Variants in AP1AR observed in about 807,000 individuals in gnomAD.
AP1AR encodes adaptor related protein complex 1 associated regulatory protein, also known as AP-1 complex-associated regulatory protein.
In AP1AR, 29 loss-of-function variants were observed where a neutral mutation model predicts 46.3. The ratio of observed to expected loss-of-function variants is 0.63; its 90% CI spans 0.47 to 0.85. The LOEUF is 0.85. Ranked by LOEUF, AP1AR falls within the 40% of genes least tolerant of loss-of-function variation. AP1AR has a pLI of 0.00. For missense variants in AP1AR, 357 were observed against 356.3 expected (o/e 1.00, Z -0.02); for synonymous variants, 122 against 122.9 (o/e 0.99, Z 0.05).
In AP1AR at chr4:112,268,131, G is replaced by A. The variant is rs775311861; in HGVS notation, c.644-13G>A. 7.2e-6 allele frequency: 11 copies of A among 1,519,488 alleles called. No homozygotes were observed. The South Asian group carries it at 1.3e-4, about 18-fold the overall frequency. The allele number at this position is 1,519,488 out of a possible 1,614,324, so 94.1% of individuals were successfully genotyped here. Reference sequence around the variant, plus strand: ...CTGTTCTGAGATTTTTGAAAACTCTGTTCAAATCATAGGAATGAATAGAAT... The same window carrying A: ...CTGTTCTGAGATTTTTGAAAACTCTATTCAAATCATAGGAATGAATAGAAT... On this transcript the variant is annotated splice_polypyrimidine_tract_variant and intron_variant, in intron 9 of 9. Transcript: ENST00000274000.
At chr4:112,245,701 G>A (rs2110473195) in intron 1 of AP1AR, among the ~76,000 whole-genome samples, 1 of 152,238 alleles carries the variant, frequency 6.6e-6, no homozygotes, top group African/African-American at 2.4e-5. Context: ...TTAAAAATAA[G>A]CTTCGTTCCT....
At chr4:112,256,800 A>C (rs1414666429) in intron 3 of AP1AR, among the ~76,000 whole-genome samples, 4 of 152,230 alleles carry the variant, frequency 2.6e-5, no homozygotes, top group Non-Finnish European at 5.9e-5. Context: ...AGAAAACAAA[A>C]AGTTGATTCT....
At chr4:112,254,666 T>C in intron 2 of AP1AR, 81 bp from the exon 3 acceptor site, 1 of 838,224 alleles carries the variant, frequency 1.2e-6, no homozygotes, top group Middle Eastern at 2.4e-4. Flanking sequence ...TATTTTTAAG[T>C]GAAAAAAGTA....
chr4:112,250,741 T>C (rs1407336415), intron 1 of AP1AR, among the ~76,000 whole-genome samples: 1 of 152,230 alleles, frequency 6.6e-6, no homozygotes, highest in Non-Finnish European at 1.5e-5. Context: ...AGTCAAGATA[T>C]GCATTTTGTG....
intron 3 of AP1AR, among the ~76,000 whole-genome samples, chr4:112,257,403 A>C (rs1207441992): frequency 6.6e-6 from 1 of 152,184 alleles, no homozygotes; most frequent in Admixed American, 6.5e-5. Flanking sequence ...TAGAAACTGC[A>C]AAAAAATGAG....
At chr4:112,234,873 T>C (rs1188536680) in intron 1 of AP1AR, among the ~76,000 whole-genome samples, 1 of 152,206 alleles carries the variant, frequency 6.6e-6, no homozygotes, top group Non-Finnish European at 1.5e-5. Context: ...ATCTAAGGCC[T>C]GGTTTCTGAG....
At chr4:112,257,077 A>G (rs1726230088) in intron 3 of AP1AR, among the ~76,000 whole-genome samples, 2 of 152,230 alleles carry the variant, frequency 1.3e-5, no homozygotes, top group Admixed American at 1.3e-4. Flanking sequence ...CCCATAACAC[A>G]CATCATAGCT....
chr4:112,233,857 ATTTC>A (rs1361982775), intron 1 of AP1AR, among the ~76,000 whole-genome samples: 6 of 151,698 alleles, frequency 4.0e-5, no homozygotes, highest in Admixed American at 1.3e-4. Context: ...CAGGTGGAGT[ATTTC>A]TTTCTTTTTT....
intron 2 of AP1AR, among the ~76,000 whole-genome samples, chr4:112,254,244 T>C (rs1489673426): frequency 6.6e-6 from 1 of 152,204 alleles, no homozygotes; most frequent in Admixed American, 6.5e-5. Flanking sequence ...TAGAAAGACA[T>C]TGTATTTGGG....
chr4:112,240,143 T>C (rs771899220), intron 1 of AP1AR, among the ~76,000 whole-genome samples: 6 of 152,262 alleles, frequency 3.9e-5, no homozygotes, highest in Non-Finnish European at 8.8e-5. Context: ...GAAATCTTAA[T>C]GGAGCTTTCA....
rs1359679067 is a variant in AP1AR at position 112,269,735 on chromosome 4, CTTT to C, written c.*1330_*1332del. On this transcript the variant is annotated 3_prime_UTR_variant, in exon 10 of 10. Coordinates refer to ENST00000274000, the MANE Select transcript of AP1AR (RefSeq NM_018569.6). ...GCAATGACATCTGTAGTTTTATCTC[CTTT>C]TTTATGTCATAGAAATTAATATGAT... 2 of 151,722 alleles carry C rather than the reference CTTT, an allele frequency of 1.3e-5. No individual in the cohort carries two copies. The highest frequency in any genetic ancestry group is 4.1e-4 in the South Asian group (2 of 4,820). 9.4% of individuals were successfully genotyped at this position (151,722 alleles called of 1,614,324 possible). A position where few individuals can be genotyped will look rare whatever the true frequency, so the allele number is the denominator to read the frequency against.
At chr4:112,252,981 A>G (rs1333852569) in intron 1 of AP1AR, among the ~76,000 whole-genome samples, 1 of 152,232 alleles carries the variant, frequency 6.6e-6, no homozygotes, top group African/African-American at 2.4e-5. Flanking sequence ...AGTAAGTGTT[A>G]GTGCCAATAG....
chr4:112,251,873 C>T (rs1725976521), intron 1 of AP1AR, among the ~76,000 whole-genome samples: 1 of 152,196 alleles, frequency 6.6e-6, no homozygotes, highest in Non-Finnish European at 1.5e-5. Context: ...CATCTATCAG[C>T]AGATAAAGAT....
chr4:112,233,919 C>T (rs1725129873), intron 1 of AP1AR, among the ~76,000 whole-genome samples: 1 of 152,164 alleles, frequency 6.6e-6, no homozygotes. Flanking sequence ...TGCAGTGGCG[C>T]GCGATCTCGG....
At chr4:112,259,657 A>G (rs895765220) in intron 4 of AP1AR, among the ~76,000 whole-genome samples, 8 of 152,140 alleles carry the variant, frequency 5.3e-5, no homozygotes, top group Admixed American at 5.2e-4. Flanking sequence ...CTTCCTTCAC[A>G]TGGAAGAGAG....
In AP1AR at chr4:112,272,781, T is replaced by C. The variant is rs1354574586; in HGVS notation, c.*4372T>C. Among the ~76,000 whole-genome samples, 1 of 152,172 alleles carries C rather than the reference T, an allele frequency of 6.6e-6. No individual in the cohort carries two copies. The highest frequency in any genetic ancestry group is 6.5e-5 in the Admixed American group (1 of 15,284). On this transcript the variant is annotated 3_prime_UTR_variant, in exon 10 of 10. Coordinates refer to ENST00000274000, the MANE Select transcript of AP1AR (RefSeq NM_018569.6). ...GATCAAGGACTATGGAGCGTGCCCA[T>C]ACTCACCACTGGTAACACTAGAACT... is the stretch of plus-strand genomic sequence containing the variant.
At chr4:112,263,865 A>C (rs1168181875) in intron 6 of AP1AR, among the ~76,000 whole-genome samples, 2 of 152,244 alleles carry the variant, frequency 1.3e-5, no homozygotes, top group Non-Finnish European at 2.9e-5. Context: ...AATAAGGGCC[A>C]GAGCCAAAGT....
In AP1AR at chr4:112,265,027, G is replaced by A. The variant is rs771034493; in HGVS notation, c.400G>A (p.Val134Met). 1.9e-6 allele frequency: 3 copies of A among 1,602,936 alleles called. No homozygotes were observed. Among genetic ancestry groups the A allele is most frequent in the Non-Finnish European group, 8.5e-7 (1 of 1,176,278 alleles). Residue 134 changes from valine (V) to methionine (M), a missense_variant, in exon 7 of 10, where the codon GTG becomes ATG. This residue lies in a region of AP1AR where 269 missense variants were observed against 223.6 expected (regional missense o/e 1.20). Transcript: ENST00000274000. ...TCCAAAGCAAGAAAGGCAGAGAATT[G>A]TGCAGCAATATCATCCTTCCAACAA... ...KLLEQERQRI[V>M]QQYHPSNNGE...
At chr4:112,255,877 A>G (rs1172170891) in intron 3 of AP1AR, among the ~76,000 whole-genome samples, 1 of 152,226 alleles carries the variant, frequency 6.6e-6, no homozygotes, top group East Asian at 1.9e-4. Flanking sequence ...CTAATTTGCA[A>G]CTTCACTAAA....
Sources: gnomAD v4.1 joint callset for allele counts (sites outside exome capture counted in the v4.1 genomes callset) on GRCh38, gnomAD v4.1.1 for gene constraint, gnomAD v4.1.1 regional missense constraint, MANE v1.5 for transcripts, NCBI Gene and HGNC (gene_info 2026-07-23, HGNC 2026-07-21) for gene names.